Variants in THSD7B observed in about 807,000 individuals in gnomAD.
THSD7B encodes thrombospondin type 1 domain containing 7B, also known as thrombospondin type-1 domain-containing protein 7B.
THSD7B carries 138 observed loss-of-function variants against 213.6 expected under a neutral mutation model. That is an observed-to-expected ratio of 0.65 (90% CI 0.56 to 0.74). The LOEUF is 0.74. Ranked by LOEUF, THSD7B falls within the 30% of genes least tolerant of loss-of-function variation. THSD7B has a pLI of 0.00. For synonymous variants in THSD7B, 742 were observed against 687.0 expected, an observed-to-expected ratio of 1.08 and a Z score of -1.25; for missense variants, 1,931 against 1,991.5, an observed-to-expected ratio of 0.97 and a Z score of 0.58.
intron 12 of THSD7B, among the ~76,000 whole-genome samples, chr2:137,309,804 A>G (rs568767877): frequency 3.9e-5 from 6 of 152,056 alleles, no homozygotes; most frequent in African/African-American, 9.6e-5. Flanking sequence ...ATGATTTCCA[A>G]TTTCATCCAT....
intron 18 of THSD7B, 133 bp from the exon 19 acceptor site, chr2:137,618,259 C>T: frequency 1.4e-6 from 1 of 691,102 alleles, no homozygotes. Context: ...TGATGATTCC[C>T]AAAGCTACCT....
At chr2:137,646,436 GT>G (rs1249203223) in intron 21 of THSD7B, among the ~76,000 whole-genome samples, 4 of 137,628 alleles carry the variant, frequency 2.9e-5, no homozygotes, top group African/African-American at 1.1e-4. Context: ...GAGGCCAGAA[GT>G]TTGAGACCAG....
At chr2:137,126,516 C>A (rs1000433652) in intron 5 of THSD7B, among the ~76,000 whole-genome samples, 2 of 146,110 alleles carry the variant, frequency 1.4e-5, no homozygotes, top group Non-Finnish European at 3.0e-5. Context: ...AGAGTTAAGA[C>A]CTTGCTCTGG....
At chr2:137,336,116 AGTACTAAAG>A (rs140250369) in intron 12 of THSD7B, among the ~76,000 whole-genome samples, 84,401 of 151,416 alleles carry the variant, frequency 0.56, 26,519 homozygotes, top group East Asian at 0.77. Context: ...CACAATTAAC[AGTACTAAAG>A]TGTCAGAGAA....
intron 10 of THSD7B, among the ~76,000 whole-genome samples, chr2:137,268,493 G>C (rs1682655579): frequency 6.6e-6 from 1 of 152,136 alleles, no homozygotes; most frequent in South Asian, 2.1e-4. Context: ...GCTCAACAAG[G>C]TGGGGATTAT....
At chr2:137,237,665 C>A (rs1216099974) in intron 9 of THSD7B, among the ~76,000 whole-genome samples, 1 of 152,178 alleles carries the variant, frequency 6.6e-6, no homozygotes, top group African/African-American at 2.4e-5. Flanking sequence ...AGAAAACCAA[C>A]TTTACCTTTT....
At chr2:137,561,950 G>C (rs1156711703) in intron 15 of THSD7B, among the ~76,000 whole-genome samples, 1 of 152,082 alleles carries the variant, frequency 6.6e-6, no homozygotes, top group East Asian at 1.9e-4. Context: ...AGTTCTAAGT[G>C]AGACAGCCAA....
At chr2:136,836,943 T>C (rs971712401) in intron 1 of THSD7B, among the ~76,000 whole-genome samples, 1 of 152,186 alleles carries the variant, frequency 6.6e-6, no homozygotes, top group Admixed American at 6.5e-5. Context: ...CTGAGAATTA[T>C]TCTTGAACTT....
chr2:136,781,437 T>A (rs1021795687), intron 1 of THSD7B, among the ~76,000 whole-genome samples: 1 of 141,476 alleles, frequency 7.1e-6, no homozygotes, highest in African/African-American at 2.5e-5. Flanking sequence ...GCTAATTTTT[T>A]TTTTTTTAAA....
chr2:136,866,292 C>T (rs1434441707), intron 1 of THSD7B, among the ~76,000 whole-genome samples: 1 of 151,836 alleles, frequency 6.6e-6, no homozygotes, highest in Non-Finnish European at 1.5e-5. Context: ...CTTTCTCAGG[C>T]TTTATTCCCG....
At chr2:137,524,845 C>T (rs994177024) in intron 15 of THSD7B, among the ~76,000 whole-genome samples, 3 of 152,156 alleles carry the variant, frequency 2.0e-5, no homozygotes, top group Admixed American at 1.3e-4. Flanking sequence ...GGATATCAGA[C>T]ATTCAGGTGG....
intron 15 of THSD7B, among the ~76,000 whole-genome samples, chr2:137,555,840 G>A (rs1009457381): frequency 6.6e-6 from 1 of 152,148 alleles, no homozygotes; most frequent in African/African-American, 2.4e-5. Flanking sequence ...ATGCAGAGAA[G>A]TCCTTAAAGG....
intron 7 of THSD7B, among the ~76,000 whole-genome samples, chr2:137,217,257 A>G (rs1470871469): frequency 6.6e-6 from 1 of 152,192 alleles, no homozygotes; most frequent in African/African-American, 2.4e-5. Context: ...ACTCTTCCGT[A>G]CTTTCTTCCT....
chr2:137,578,076 T>C (rs997154867), intron 17 of THSD7B, among the ~76,000 whole-genome samples: 1 of 152,198 alleles, frequency 6.6e-6, no homozygotes, highest in Non-Finnish European at 1.5e-5. Context: ...CATGGGACTC[T>C]GGTGATTGAG....
chr2:137,279,926 T>A (rs1214985121), intron 12 of THSD7B, among the ~76,000 whole-genome samples: 1 of 152,190 alleles, frequency 6.6e-6, no homozygotes, highest in Non-Finnish European at 1.5e-5. Flanking sequence ...TGAGGATTCT[T>A]TGTATCCCAG....
intron 5 of THSD7B, among the ~76,000 whole-genome samples, chr2:137,145,090 GTTTTGAGACA>G (rs1679667446): frequency 6.6e-6 from 1 of 152,082 alleles, no homozygotes; most frequent in African/African-American, 2.4e-5. Flanking sequence ...GCTGGCTATT[GTTTTGAGACA>G]TAAAGCCTCC....
At chr2:137,336,033 C>T (rs1295672352) in intron 12 of THSD7B, among the ~76,000 whole-genome samples, 2 of 152,026 alleles carry the variant, frequency 1.3e-5, no homozygotes, top group Admixed American at 1.3e-4. Context: ...TCAAAGAAAG[C>T]AGCTTCTTAC....
intron 10 of THSD7B, among the ~76,000 whole-genome samples, chr2:137,246,001 C>T (rs563414931): frequency 3.9e-5 from 6 of 152,098 alleles, no homozygotes; most frequent in African/African-American, 7.2e-5. Flanking sequence ...AAGCTCTATG[C>T]GGGGTTGGGT....
intron 5 of THSD7B, among the ~76,000 whole-genome samples, chr2:137,154,694 A>T (rs973249900): frequency 6.6e-6 from 1 of 152,194 alleles, no homozygotes; most frequent in Non-Finnish European, 1.5e-5. Flanking sequence ...ATTTCAAAGA[A>T]TGATACTCAT....
Sources: allele counts gnomAD v4.1 joint callset (sites outside exome capture counted in the v4.1 genomes callset), GRCh38; gene constraint gnomAD v4.1.1; transcripts MANE v1.5; gene names NCBI Gene and HGNC (gene_info 2026-07-23, HGNC 2026-07-21).